PLXDC2: variants seen among roughly 807,000 people sequenced by gnomAD.
PLXDC2 encodes plexin domain-containing protein 2.
Under a neutral mutation model 68.9 loss-of-function variants are expected in PLXDC2, and 40 were observed. The observed-to-expected ratio is 0.58, with a 90% CI of 0.45 to 0.76. The LOEUF is 0.76. PLXDC2 is among the 30% of genes least tolerant of loss of function. The pLI is 0.00. For synonymous variants in PLXDC2, 243 were observed against 234.2 expected (o/e 1.04, Z -0.34); for missense variants, 644 against 661.9 (o/e 0.97, Z 0.30).
intron 4 of PLXDC2, among the ~76,000 whole-genome samples, chr10:20,126,831 T>TAGAAC (rs1833797719): frequency 7.9e-6 from 1 of 126,532 alleles, no homozygotes; most frequent in African/African-American, 2.8e-5. Flanking sequence ...TATGTGTATA[T>TAGAAC]ATAATATATG....
intron 1 of PLXDC2, among the ~76,000 whole-genome samples, chr10:19,922,421 A>G (rs529706867): frequency 1.2e-3 from 181 of 152,202 alleles, no homozygotes; most frequent in African/African-American, 3.4e-3. Context: ...TTTACTTGCT[A>G]TTTTTTTAAA....
intron 4 of PLXDC2, among the ~76,000 whole-genome samples, chr10:20,114,987 A>G (rs1303879637): frequency 6.6e-6 from 1 of 152,222 alleles, no homozygotes; most frequent in Non-Finnish European, 1.5e-5. Flanking sequence ...AAGCTAGCTC[A>G]TCCAACCAAT....
At chr10:20,166,211 T>C (rs1834372387) in intron 7 of PLXDC2, among the ~76,000 whole-genome samples, 1 of 152,084 alleles carries the variant, frequency 6.6e-6, no homozygotes, top group South Asian at 2.1e-4. Context: ...AGCAGAAATA[T>C]TATAAGGGTT....
intron 2 of PLXDC2, among the ~76,000 whole-genome samples, chr10:20,010,905 T>C (rs1835101552): frequency 6.6e-6 from 1 of 152,176 alleles, no homozygotes; most frequent in Non-Finnish European, 1.5e-5. Flanking sequence ...GTGACAGTGA[T>C]AGGTGAATTT....
intron 1 of PLXDC2, among the ~76,000 whole-genome samples, chr10:19,913,570 A>G (rs1466287887): frequency 6.6e-6 from 1 of 152,148 alleles, no homozygotes; most frequent in African/African-American, 2.4e-5. Context: ...TTAGTAACTC[A>G]TTTGGTAACT....
intron 3 of PLXDC2, among the ~76,000 whole-genome samples, chr10:20,067,736 ATCT>A (rs1312022111): frequency 3.9e-5 from 6 of 152,162 alleles, no homozygotes; most frequent in Admixed American, 1.3e-4. Context: ...AGTGCAAGAC[ATCT>A]TCTTCCGTGA....
intron 4 of PLXDC2, among the ~76,000 whole-genome samples, chr10:20,103,404 G>A (rs1348472331): frequency 6.6e-6 from 1 of 152,106 alleles, no homozygotes; most frequent in Middle Eastern, 3.2e-3. Context: ...GATAAGAACA[G>A]CTTTGAAAAA....
intron 1 of PLXDC2, among the ~76,000 whole-genome samples, chr10:19,873,054 C>A (rs766423784): frequency 6.6e-6 from 1 of 152,148 alleles, no homozygotes; most frequent in Non-Finnish European, 1.5e-5. Context: ...TACAGCAAAA[C>A]GGTCGGTACA....
intron 13 of PLXDC2, among the ~76,000 whole-genome samples, chr10:20,265,844 A>G (rs2119372347): frequency 6.6e-6 from 1 of 152,322 alleles, no homozygotes; most frequent in South Asian, 2.1e-4. Context: ...TTGTTACTCC[A>G]GAAAGTCACA....
chr10:20,288,308 C>T lies in PLXDC2; in HGVS notation c.*8489C>T, dbSNP rs1227039627. On this transcript the variant is annotated 3_prime_UTR_variant, in exon 14 of 14. Coordinates refer to ENST00000377252, the MANE Select transcript of PLXDC2 (RefSeq NM_032812.9). ...GTTTATTAAAATAGAACTTGGAAAA[C>T]CAAGCATTTTGAATTTATTCCAGTC... 1 of 152,042 alleles carries T rather than the reference C, an allele frequency of 6.6e-6. No individual in the cohort carries two copies. The highest frequency in any genetic ancestry group is 1.9e-4 in the East Asian group (1 of 5,166). The allele number at this position is 152,042 out of a possible 1,614,324, so 9.4% of individuals were successfully genotyped here.
intron 7 of PLXDC2, among the ~76,000 whole-genome samples, chr10:20,168,828 A>G (rs977600084): frequency 6.6e-6 from 1 of 152,170 alleles, no homozygotes; most frequent in African/African-American, 2.4e-5. Flanking sequence ...AAGGAGGAAA[A>G]TTTAAATTAC....
At position 19,995,503 on chromosome 10, in the gene PLXDC2, T is replaced by G. The variant is rs562161962; in HGVS notation, c.113-6272T>G. 2.0e-5 allele frequency among the ~76,000 whole-genome samples: 3 copies of G among 152,302 alleles called. No individual in the cohort carries two copies. In the South Asian group the frequency reaches 6.2e-4, roughly 32 times the overall value. ...ATCTTTTGTCTAGCATGTACCAAAA[T>G]TCCAGACTCCCAGAAGGAAGGAAGG... On this transcript the variant is annotated intron_variant, in intron 1 of 13. Transcript: ENST00000377252.
chr10:19,932,645 A>T (rs1223097820), intron 1 of PLXDC2, among the ~76,000 whole-genome samples: 1 of 152,236 alleles, frequency 6.6e-6, no homozygotes, highest in Admixed American at 6.5e-5. Flanking sequence ...ATAGCTCTCC[A>T]TGCAAAATGA....
intron 13 of PLXDC2, among the ~76,000 whole-genome samples, chr10:20,278,256 C>T (rs1836034693): frequency 6.6e-6 from 1 of 152,090 alleles, no homozygotes; most frequent in African/African-American, 2.4e-5. Context: ...GCTGCTTGCC[C>T]AGGGAAGCTG....
chr10:20,258,787 C>CACG (rs1237973313), intron 13 of PLXDC2, among the ~76,000 whole-genome samples: 1 of 152,046 alleles, frequency 6.6e-6, no homozygotes, highest in Non-Finnish European at 1.5e-5. Context: ...GAGTGCGAAT[C>CACG]ACGAGGTCAG....
intron 4 of PLXDC2, among the ~76,000 whole-genome samples, chr10:20,140,409 C>A (rs373373559): frequency 7.0e-6 from 1 of 142,760 alleles, no homozygotes; most frequent in African/African-American, 2.6e-5. Context: ...TATAAAATAT[C>A]TATCTATCTA....
intron 4 of PLXDC2, among the ~76,000 whole-genome samples, chr10:20,078,297 G>A (rs768599468): frequency 8.5e-5 from 13 of 152,090 alleles, no homozygotes; most frequent in Non-Finnish European, 1.5e-4. Context: ...GCAGGAGGAT[G>A]GCTTGAGGCC....
At chr10:20,104,074 G>A (rs535241028) in intron 4 of PLXDC2, among the ~76,000 whole-genome samples, 14 of 152,302 alleles carry the variant, frequency 9.2e-5, no homozygotes, top group African/African-American at 3.4e-4. Flanking sequence ...TGCTTTCACA[G>A]TGAGATAAGA....
chr10:19,859,266 A>G (rs751921393), intron 1 of PLXDC2, among the ~76,000 whole-genome samples: 14 of 152,124 alleles, frequency 9.2e-5, no homozygotes, highest in Non-Finnish European at 1.6e-4. Flanking sequence ...CAAACAGACA[A>G]AAATAACAAA....
Sources: gnomAD v4.1 joint callset for allele counts (sites outside exome capture counted in the v4.1 genomes callset) on GRCh38, gnomAD v4.1.1 for gene constraint, MANE v1.5 for transcripts, NCBI Gene and HGNC (gene_info 2026-07-23, HGNC 2026-07-21) for gene names.